CARMIL1: variants seen among roughly 807,000 people sequenced by gnomAD.
CARMIL1 encodes capping protein regulator and myosin 1 linker 1, also known as F-actin-uncapping protein LRRC16A.
Under a neutral mutation model 177.1 loss-of-function variants are expected in CARMIL1, and 90 were observed. The ratio of observed to expected loss-of-function variants is 0.51; its 90% CI spans 0.43 to 0.61. The LOEUF is 0.61. Ranked by LOEUF, CARMIL1 falls within the 20% of genes least tolerant of loss-of-function variation. CARMIL1 has a pLI of 0.00. For synonymous variants in CARMIL1, 577 were observed against 606.2 expected, an observed-to-expected ratio of 0.95 and a Z score of 0.71; for missense variants, 1,380 against 1,667.0, an observed-to-expected ratio of 0.83 and a Z score of 3.00.
Position 25,509,145 on chromosome 6 carries a change from T to G in CARMIL1, c.1396-511T>G, listed in dbSNP as rs184241033. Among the ~76,000 whole-genome samples, 165 of 152,316 alleles carry G rather than the reference T, an allele frequency of 1.1e-3. 1 individual carries two copies. Among genetic ancestry groups the G allele is most frequent in the African/African-American group, 3.6e-3 (150 of 41,560 alleles). On this transcript the variant is annotated intron_variant, in intron 17 of 36. Transcript: ENST00000329474. The surrounding 1 kb of genome is among the most constrained non-coding windows in gnomAD (Gnocchi z 4.1). ...CTTTAGTTAGCTAATATCTGCCTTA[T>G]GAGTGAGAACTCACACTCATGTCTT... is the stretch of plus-strand genomic sequence containing the variant.
rs1808465977 is a variant in CARMIL1, at chr6:25,537,914, G to A, written c.2127G>A (p.Gly709=). Residue 709 remains glycine, a synonymous_variant, in exon 25 of 37, where the codon GGG becomes GGA. Transcript: ENST00000329474. ...ATCTCAACTCCTTACGAAATTGTGGGGGAGACGCTATCCAGGAAGATTTAA... is the reference window on the plus strand; with the variant it reads ...ATCTCAACTCCTTACGAAATTGTGGAGGAGACGCTATCCAGGAAGATTTAA... ...QDHLNSLRNC[G]GDAIQEDLKS... is the part of the protein sequence containing the mutation. 5 of 1,608,334 alleles carry A rather than the reference G, an allele frequency of 3.1e-6. No homozygotes were observed. The highest frequency in any genetic ancestry group is 1.1e-5 in the South Asian group (1 of 89,342).
rs5875032 is a variant in CARMIL1 at position 25,369,379 on chromosome 6, GTTTTTTTTTTT to G, written c.139-50727_139-50717del. ...ACAGTTGAATGCAATGCTGTATTTT[GTTTTTTTTTTT>G]TTTTTTTAAAGCTAGTCCAGAAATT... On this transcript the variant is annotated intron_variant, in intron 2 of 36. Transcript: ENST00000329474. 2.1e-5 allele frequency among the ~76,000 whole-genome samples: 3 copies of G among 140,852 alleles called. 1 individual carries two copies. Among genetic ancestry groups the G allele is most frequent in the African/African-American group, 8.0e-5 (3 of 37,410 alleles). The allele number at this position is 140,852 out of a possible 152,430, so 92.4% of individuals were successfully genotyped here.
intron 2 of CARMIL1, among the ~76,000 whole-genome samples, chr6:25,348,847 G>A (rs1787821814): frequency 6.6e-6 from 1 of 152,114 alleles, no homozygotes; most frequent in South Asian, 2.1e-4. Flanking sequence ...GTGAATCAGT[G>A]AGTGATAGCA....
intron 9 of CARMIL1, among the ~76,000 whole-genome samples, chr6:25,468,945 T>C (rs1451541638): frequency 6.6e-6 from 1 of 152,256 alleles, no homozygotes; most frequent in African/African-American, 2.4e-5. Context: ...TTTCTGGTTA[T>C]TAGGATAATC....
chr6:25,617,362 C>T (rs148868941), intron 36 of CARMIL1, among the ~76,000 whole-genome samples: 5 of 151,940 alleles, frequency 3.3e-5, no homozygotes, highest in South Asian at 2.1e-4. Flanking sequence ...ACTCTTATGT[C>T]GTATCATACA....
At position 25,614,016 on chromosome 6, in the gene CARMIL1, A is replaced by G. The variant is rs147116157; in HGVS notation, c.3979+3835A>G. On this transcript the variant is annotated intron_variant, in intron 36 of 36. Coordinates refer to ENST00000329474, the MANE Select transcript of CARMIL1 (RefSeq NM_017640.6). ...CATTCTTGAATTTTCACACTTTACT[A>G]TTGATAATAAACTTCTTATGATACA... 5.0e-3 allele frequency among the ~76,000 whole-genome samples: 754 copies of G among 152,306 alleles called. 4 individuals are homozygous for G. Among genetic ancestry groups the G allele is most frequent in the African/African-American group, 0.015 (644 of 41,564 alleles).
rs144228233 is a variant in CARMIL1 at position 25,428,168 on chromosome 6, C to T, written c.249+1608C>T. ...AGGTTACACATGTAGGCCTATGATC[C>T]ATTTTGAAGTAATTTTTGAATATAA... On this transcript the variant is annotated intron_variant, in intron 4 of 36. Transcript: ENST00000329474. Among the ~76,000 whole-genome samples the T allele has an allele frequency of 1.1e-3, 166 of 152,196 alleles. 2 individuals carry two copies. The East Asian group carries it at 0.03, about 28-fold the overall frequency.
At chr6:25,287,330 C>T (rs1003617868) in intron 2 of CARMIL1, 2 of 152,182 alleles carry the variant, frequency 1.3e-5, no homozygotes, top group Non-Finnish European at 2.9e-5. Context: ...GTTCTTTCTT[C>T]TTACACTTGA....
intron 12 of CARMIL1, among the ~76,000 whole-genome samples, chr6:25,487,136 C>G (rs1002743990): frequency 2.0e-5 from 3 of 152,166 alleles, no homozygotes; most frequent in African/African-American, 7.2e-5. Flanking sequence ...CAGACACACA[C>G]TAGAATCAGT....
chr6:25,401,221 G>A (rs554943566), intron 2 of CARMIL1, among the ~76,000 whole-genome samples: 1 of 152,068 alleles, frequency 6.6e-6, no homozygotes, highest in South Asian at 2.1e-4. Context: ...AATTAATAAT[G>A]TTGCAGGGAT....
chr6:25,500,807 G>A (rs776183473), intron 17 of CARMIL1, among the ~76,000 whole-genome samples: 4 of 151,126 alleles, frequency 2.6e-5, no homozygotes, highest in South Asian at 2.1e-4. Context: ...TTGTTTTGTC[G>A]CCCAGGCTGG....
At chr6:25,478,830 G>C (rs1801828702) in intron 11 of CARMIL1, among the ~76,000 whole-genome samples, 1 of 151,588 alleles carries the variant, frequency 6.6e-6, no homozygotes, top group African/African-American at 2.4e-5. Flanking sequence ...TTTAGATTTA[G>C]GGCGTTTAAA....
rs1404914163 is a variant in CARMIL1, at chr6:25,390,305, TATATATATA to T, written c.139-29808_139-29800del. Among the ~76,000 whole-genome samples the T allele has an allele frequency of 9.0e-5, 4 of 44,568 alleles. 1 individual carries two copies. The highest frequency in any genetic ancestry group is 1.3e-4 in the African/African-American group (2 of 15,414). 29.2% of individuals were successfully genotyped at this position (44,568 alleles called of 152,430 possible). ...ACATATATATTTACATATATATATA[TATATATATA>T]TATATATTTTTTTTTTTTTTTTTTT... is the stretch of plus-strand genomic sequence containing the variant. On this transcript the variant is annotated intron_variant, in intron 2 of 36. Transcript: ENST00000329474.
At chr6:25,333,240 G>A (rs983679574) in intron 2 of CARMIL1, among the ~76,000 whole-genome samples, 4 of 152,140 alleles carry the variant, frequency 2.6e-5, no homozygotes, top group Non-Finnish European at 5.9e-5. Flanking sequence ...GAAATTTCTT[G>A]ACAGCAGAAC....
Position 25,554,178 on chromosome 6 carries a change from A to AT in CARMIL1, c.2592+85dup. On this transcript the variant is annotated intron_variant, in intron 28 of 36. Coordinates refer to ENST00000329474, the MANE Select transcript of CARMIL1 (RefSeq NM_017640.6). This position sits in a 1 kb window ranked among gnomAD's most constrained non-coding sequence, Gnocchi z 4.6. ...GGATGACTTCCGGTGTGGGGATGTG[A>AT]TTTCTTTTCTGTATTTCACACTATT... 1 of 975,378 alleles carries AT rather than the reference A, an allele frequency of 1.0e-6. No homozygotes were observed. Among genetic ancestry groups the AT allele is most frequent in the Non-Finnish European group, 1.6e-6 (1 of 625,360 alleles). 60.4% of individuals were successfully genotyped at this position (975,378 alleles called of 1,614,324 possible).
intron 2 of CARMIL1, among the ~76,000 whole-genome samples, chr6:25,402,557 A>C (rs1263199695): frequency 6.6e-6 from 1 of 152,306 alleles, no homozygotes; most frequent in East Asian, 1.9e-4. Flanking sequence ...TTAAGAGTAA[A>C]GTGTAATGTC....
intron 12 of CARMIL1, among the ~76,000 whole-genome samples, chr6:25,482,830 C>A (rs1802256557): frequency 6.6e-6 from 1 of 150,610 alleles, no homozygotes; most frequent in African/African-American, 2.4e-5. Context: ...CTTCACTCAC[C>A]TTCATTTTTT....
rs573526397 is a variant in CARMIL1, at chr6:25,281,799, T to G, written c.40+1964T>G. Among the ~76,000 whole-genome samples, 10 of 152,216 alleles carry G rather than the reference T, an allele frequency of 6.6e-5. No individual in the cohort carries two copies. In the East Asian group the frequency reaches 1.9e-3, roughly 29 times the overall value. ...AAAACCTCTATATATTCCCTTAAGA[T>G]TCCCTCAAGATATTTAAAAAGTGTT... On this transcript the variant is annotated intron_variant, in intron 1 of 36. Transcript: ENST00000329474.
rs369467826 is a variant in CARMIL1 at position 25,387,469 on chromosome 6, T to G, written c.139-32645T>G. Among the ~76,000 whole-genome samples the G allele has an allele frequency of 7.2e-5, 11 of 152,264 alleles. No homozygotes were observed. In the East Asian group the frequency reaches 1.7e-3, roughly 24 times the overall value. On this transcript the variant is annotated intron_variant, in intron 2 of 36. Transcript: ENST00000329474. ...CAAATGAAACATTAACATAAGTTGTTCTGAATTTTCTAAGTGAAGAATTCT... is the reference window on the plus strand; with the variant it reads ...CAAATGAAACATTAACATAAGTTGTGCTGAATTTTCTAAGTGAAGAATTCT...
Sources: gnomAD v4.1 joint callset for allele counts (sites outside exome capture counted in the v4.1 genomes callset) on GRCh38, gnomAD v4.1.1 for gene constraint, Gnocchi (gnomAD v3.1) non-coding constraint, MANE v1.5 for transcripts, NCBI Gene and HGNC (gene_info 2026-07-23, HGNC 2026-07-21) for gene names.